The following KLHL13 variants were observed in gnomAD, a reference collection of about 807,000 sequenced individuals.
KLHL13 encodes the protein kelch like family member 13.
A neutral mutation model predicts 37.1 loss-of-function variants in KLHL13; 10 were observed. That is an observed-to-expected ratio of 0.27 (90% confidence interval 0.17 to 0.46). The LOEUF is 0.46. Among genes scored for constraint, KLHL13 ranks in the 20% least tolerant of loss-of-function variants. The pLI, the probability that KLHL13 is intolerant of heterozygous loss-of-function variation, is 1.00. For synonymous variants in KLHL13, 163 were observed against 181.2 expected (o/e 0.90, Z 0.81); for missense variants, 360 against 509.3 (o/e 0.71, Z 2.82).
At chrX:117,911,872 A>C (rs1355628420) in intron 4 of KLHL13, among the ~76,000 whole-genome samples, 1 of 111,978 alleles carries the variant, frequency 8.9e-6, no homozygotes, top group African/African-American at 3.2e-5. Flanking sequence ...TTAATTGCTT[A>C]TTTTACTTAG....
chrX:117,983,390 G>A, intron 1 of KLHL13: 1 of 505,230 alleles, frequency 2.0e-6, no homozygotes, highest in Non-Finnish European at 3.2e-6. Context: ...CTTGATAACT[G>A]TCTTCTAGTA....
chrX:117,919,251 C>G (rs1477912076), intron 4 of KLHL13, among the ~76,000 whole-genome samples: 1 of 112,011 alleles, frequency 8.9e-6, no homozygotes. Flanking sequence ...CTTGAACTCC[C>G]AACCTTAGAC....
upstream of KLHL13, among the ~76,000 whole-genome samples, chrX:117,975,258 TCAAA>T (rs2053584206): frequency 1.8e-5 from 2 of 111,528 alleles, no homozygotes; most frequent in South Asian, 7.6e-4. Flanking sequence ...ACAGTGAGTT[TCAAA>T]CAAATTTTCA....
intron 1 of KLHL13, among the ~76,000 whole-genome samples, chrX:118,061,214 C>T (rs2054737823): frequency 9.0e-6 from 1 of 111,648 alleles, no homozygotes; most frequent in South Asian, 3.7e-4. Flanking sequence ...ATACATTTAG[C>T]TAGGAATAGC....
At chrX:117,928,102 A>T (rs1422034748) in intron 2 of KLHL13, among the ~76,000 whole-genome samples, 1 of 112,298 alleles carries the variant, frequency 8.9e-6, no homozygotes, top group Non-Finnish European at 1.9e-5. Context: ...ACCAAAAATT[A>T]ATCAGGTAAC....
At chrX:118,014,108 C>A (rs1473407022) in intron 1 of KLHL13, among the ~76,000 whole-genome samples, 1 of 111,936 alleles carries the variant, frequency 8.9e-6, no homozygotes, top group Non-Finnish European at 1.9e-5. Flanking sequence ...TTTCAGGGAA[C>A]AAGGGAAGAT....
At chrX:117,910,094 G>A (rs760096324) in exon 5 of KLHL13, 43 of 1,149,148 alleles carry the variant, frequency 3.7e-5, no homozygotes, top group Non-Finnish European at 4.7e-5. Flanking sequence ...TGTCTAAAGT[G>A]ACCTATTAAG....
chrX:118,089,029 G>C (rs1277420994), intron 1 of KLHL13, among the ~76,000 whole-genome samples: 1 of 111,583 alleles, frequency 9.0e-6, no homozygotes, highest in Admixed American at 9.6e-5. Context: ...TCTCTAGCCA[G>C]AGGATCAGAA....
chrX:118,046,326 G>A (rs2054559246), intron 1 of KLHL13, among the ~76,000 whole-genome samples: 1 of 111,951 alleles, frequency 8.9e-6, no homozygotes, highest in Non-Finnish European at 1.9e-5. Flanking sequence ...TTATTTGTGG[G>A]AGCTAAAAAT....
intron 1 of KLHL13, among the ~76,000 whole-genome samples, chrX:118,091,907 T>C (rs1444589795): frequency 8.9e-6 from 1 of 111,949 alleles, no homozygotes; most frequent in African/African-American, 3.2e-5. Flanking sequence ...TGGATAAAGG[T>C]AGCATCATTA....
intron 2 of KLHL13, among the ~76,000 whole-genome samples, chrX:117,930,278 A>AGGCAGGCAGGCAGGC (rs1486717452): frequency 2.0e-4 from 18 of 88,751 alleles, no homozygotes; most frequent in African/African-American, 9.7e-4. Flanking sequence ...GGAAGGAAGG[A>AGGCAGGCAGGCAGGC]AGGAAGGAAG....
intron 1 of KLHL13, among the ~76,000 whole-genome samples, chrX:118,033,726 A>G (rs1281156040): frequency 9.1e-6 from 1 of 109,842 alleles, no homozygotes; most frequent in African/African-American, 3.3e-5. Context: ...ACAGGATCAA[A>G]TTCACACATA....
At chrX:118,081,071 G>A (rs1432247793) in intron 1 of KLHL13, among the ~76,000 whole-genome samples, 1 of 111,324 alleles carries the variant, frequency 9.0e-6, no homozygotes, top group Non-Finnish European at 1.9e-5. Context: ...GAGCACATAT[G>A]GACATAAATA....
intron 1 of KLHL13, among the ~76,000 whole-genome samples, chrX:118,051,398 G>A (rs764078663): frequency 1.0e-4 from 11 of 108,914 alleles, no homozygotes; most frequent in South Asian, 4.0e-4. Flanking sequence ...AAAATTGGCC[G>A]GGCGTGGTGG....
intron 1 of KLHL13, among the ~76,000 whole-genome samples, chrX:118,027,988 CT>C (rs1363200499): frequency 1.8e-5 from 2 of 111,726 alleles, no homozygotes; most frequent in Non-Finnish European, 3.8e-5. Context: ...CTTTAAATAT[CT>C]CATAGTAACT....
At chrX:118,030,675 G>C (rs777806945) in intron 1 of KLHL13, among the ~76,000 whole-genome samples, 1 of 111,812 alleles carries the variant, frequency 8.9e-6, no homozygotes, top group East Asian at 2.8e-4. Context: ...ATGGGAATGC[G>C]TTCCTTATAA....
At chrX:117,903,479 C>A (rs1930282574) in intron 5 of KLHL13, among the ~76,000 whole-genome samples, 1 of 111,279 alleles carries the variant, frequency 9.0e-6, no homozygotes, top group African/African-American at 3.3e-5. Context: ...AAATTAATAA[C>A]AAGTTAAACT....
chrX:117,930,104 A>T (rs1932324968), intron 2 of KLHL13, among the ~76,000 whole-genome samples: 1 of 108,999 alleles, frequency 9.2e-6, no homozygotes. Context: ...CCAGTGCAAT[A>T]AGGTAAGGAA....
intron 1 of KLHL13, among the ~76,000 whole-genome samples, chrX:117,970,904 C>A (rs1439785261): frequency 1.8e-5 from 2 of 111,643 alleles, no homozygotes; most frequent in African/African-American, 6.5e-5. Context: ...AATACTTCAG[C>A]CTACCATAAG....
Sources: gnomAD v4.1 joint callset for allele counts (sites outside exome capture counted in the v4.1 genomes callset) on GRCh38, gnomAD v4.1.1 for gene constraint, MANE v1.5 for transcripts, NCBI Gene and HGNC (gene_info 2026-07-23, HGNC 2026-07-21) for gene names.